PPP4R2: variants seen among roughly 807,000 people sequenced by gnomAD.
PPP4R2 encodes the protein serine/threonine-protein phosphatase 4 regulatory subunit 2.
Under a neutral mutation model 47.2 loss-of-function variants are expected in PPP4R2, and 13 were observed. That is an observed-to-expected ratio of 0.28 (90% confidence interval 0.18 to 0.44). The LOEUF (loss-of-function observed/expected upper bound fraction) is 0.44, where lower values mean the gene tolerates loss of function less well. PPP4R2 is among the 20% of genes least tolerant of loss of function. PPP4R2 has a pLI of 1.00. For missense variants in PPP4R2, 421 were observed against 491.2 expected (o/e 0.86, Z 1.35); for synonymous variants, 151 against 163.3 (o/e 0.92, Z 0.57).
At chr3:73,049,929 A>ATTTTG (rs917754133) in intron 3 of PPP4R2, among the ~76,000 whole-genome samples, 2 of 151,844 alleles carry the variant, frequency 1.3e-5, no homozygotes, top group African/African-American at 4.8e-5. Context: ...GTATTTTGAA[A>ATTTTG]TTTTGTTTTG....
intron 3 of PPP4R2, among the ~76,000 whole-genome samples, chr3:73,049,712 T>A (rs1001858906): frequency 1.3e-5 from 2 of 151,020 alleles, no homozygotes; most frequent in East Asian, 3.9e-4. Context: ...TTCAGTTCAT[T>A]CACATTAAGT....
intron 2 of PPP4R2, among the ~76,000 whole-genome samples, chr3:73,037,552 A>G (rs1702290097): frequency 1.3e-5 from 2 of 152,316 alleles, no homozygotes; most frequent in South Asian, 4.1e-4. Flanking sequence ...GATAGAGGTC[A>G]GGGATGCAAA....
At chr3:73,062,492 C>T (rs1702885634) in intron 5 of PPP4R2, 1 of 1,613,410 alleles carries the variant, frequency 6.2e-7, no homozygotes, top group Admixed American at 1.7e-5. Context: ...ATGGGTTACA[C>T]CAGGCATTAC....
chr3:73,038,370 CTTTTTGTTTT>C, intron 2 of PPP4R2, among the ~76,000 whole-genome samples: 1 of 151,356 alleles, frequency 6.6e-6, no homozygotes, highest in Non-Finnish European at 1.5e-5. Context: ...ATTTTTTTTT[CTTTTTGTTTT>C]TTCTTTTTTT....
At chr3:73,016,037 G>C (rs1701825653) in intron 2 of PPP4R2, 1 of 171,000 alleles carries the variant, frequency 5.8e-6, no homozygotes, top group South Asian at 1.1e-4. Flanking sequence ...AAAGTGCTGG[G>C]AATACAGGTG....
At chr3:73,061,355 G>T (rs1006051239) in intron 5 of PPP4R2, 2 of 183,370 alleles carry the variant, frequency 1.1e-5, no homozygotes, top group Admixed American at 1.2e-4. Context: ...CATTCTAGAT[G>T]CCTTTCCAGG....
intron 2 of PPP4R2, chr3:73,016,061 C>T (rs553067826): frequency 6.4e-6 from 1 of 155,936 alleles, no homozygotes; most frequent in East Asian, 1.9e-4. Context: ...GCCACCATGC[C>T]TGGCCTCTAC....
intron 2 of PPP4R2, among the ~76,000 whole-genome samples, chr3:72,999,155 G>C (rs1701410334): frequency 6.6e-6 from 1 of 152,094 alleles, no homozygotes; most frequent in Admixed American, 6.5e-5. Context: ...AGTCTCCTTA[G>C]TATTCTATTA....
At chr3:73,025,014 A>T (rs1220821518) in intron 2 of PPP4R2, among the ~76,000 whole-genome samples, 1 of 152,206 alleles carries the variant, frequency 6.6e-6, no homozygotes, top group Non-Finnish European at 1.5e-5. Flanking sequence ...ACTGAGTTCC[A>T]GTCTTGGTGT....
chr3:73,022,276 G>A (rs897495122), intron 2 of PPP4R2, among the ~76,000 whole-genome samples: 9 of 152,058 alleles, frequency 5.9e-5, no homozygotes, highest in Non-Finnish European at 1.2e-4. Flanking sequence ...TAAAAATTAG[G>A]CCTGGAGGAA....
At chr3:73,019,087 T>C (rs1031142957) in intron 2 of PPP4R2, among the ~76,000 whole-genome samples, 5 of 152,338 alleles carry the variant, frequency 3.3e-5, no homozygotes, top group Admixed American at 3.3e-4. Context: ...GGTCCTATAA[T>C]AGTATAATGC....
At chr3:73,042,143 AG>A (rs1448531188) in intron 2 of PPP4R2, among the ~76,000 whole-genome samples, 1 of 152,084 alleles carries the variant, frequency 6.6e-6, no homozygotes, top group Non-Finnish European at 1.5e-5. Context: ...ATTTTATTGG[AG>A]GGGATTTTAT....
At position 73,064,086 on chromosome 3, in the gene PPP4R2, T is replaced by C; in HGVS notation, c.578T>C (p.Leu193Ser). ...TCAGCCCCCATGACAACAAATGGGT[T>C]GCCTGAGAGCACAGACAGCAAAGAG... ...SLSAPMTTNG[L>S]PESTDSKEAN... The change falls in exon 7 of 9, where the codon TTG becomes TCG. Residue 193 changes from leucine (L) to serine (S), a missense_variant. Transcript: ENST00000356692. The C allele has an allele frequency of 6.2e-7, 1 of 1,613,748 alleles. No homozygotes were observed. The highest frequency in any genetic ancestry group is 8.5e-7 in the Non-Finnish European group (1 of 1,179,804).
intron 3 of PPP4R2, among the ~76,000 whole-genome samples, chr3:73,058,422 T>C (rs903836429): frequency 1.3e-5 from 2 of 152,076 alleles, no homozygotes; most frequent in African/African-American, 4.8e-5. Context: ...AAAAATCAAA[T>C]TATCAGGATT....
chr3:73,021,442 G>T (rs1701957964), intron 2 of PPP4R2, among the ~76,000 whole-genome samples: 1 of 151,804 alleles, frequency 6.6e-6, no homozygotes, highest in African/African-American at 2.4e-5. Flanking sequence ...TTGCCCTTTT[G>T]CCCAGGCTGG....
intron 3 of PPP4R2, 43 bp from the exon 4 acceptor site, chr3:73,058,994 G>C: frequency 8.6e-7 from 1 of 1,163,878 alleles, no homozygotes; most frequent in Non-Finnish European, 1.3e-6. Flanking sequence ...TCGTTTTCTT[G>C]ATTATCAGTG....
chr3:73,023,798 G>C (rs1702006162), intron 2 of PPP4R2, among the ~76,000 whole-genome samples: 1 of 152,106 alleles, frequency 6.6e-6, no homozygotes, highest in Non-Finnish European at 1.5e-5. Context: ...CGTGAAAAAT[G>C]AAAGTATACT....
intron 2 of PPP4R2, among the ~76,000 whole-genome samples, chr3:73,034,925 G>A (rs1409723628): frequency 2.6e-5 from 4 of 151,752 alleles, no homozygotes; most frequent in Non-Finnish European, 4.4e-5. Context: ...CACAGGGAAC[G>A]AAAGCAAAAA....
intron 3 of PPP4R2, among the ~76,000 whole-genome samples, chr3:73,056,422 C>T (rs1702733180): frequency 6.6e-6 from 1 of 152,158 alleles, no homozygotes; most frequent in Admixed American, 6.6e-5. Flanking sequence ...AAAGTACAGT[C>T]TGTATGTAAA....
Sources: gnomAD v4.1 joint callset for allele counts (sites outside exome capture counted in the v4.1 genomes callset) on GRCh38, gnomAD v4.1.1 for gene constraint, MANE v1.5 for transcripts, NCBI Gene and HGNC (gene_info 2026-07-23, HGNC 2026-07-21) for gene names.